Variants in STK32A observed in about 807,000 individuals in gnomAD.
STK32A encodes serine/threonine kinase 32A.
A neutral mutation model predicts 53.2 loss-of-function variants in STK32A; 41 were observed. The observed-to-expected ratio is 0.77, with a 90% confidence interval of 0.60 to 1.00. The LOEUF (loss-of-function observed/expected upper bound fraction) is 1.00, where lower values mean the gene tolerates loss of function less well. Among genes scored for constraint, STK32A ranks in the 50% least tolerant of loss-of-function variants. The pLI, the probability that STK32A is intolerant of heterozygous loss-of-function variation, is 0.00. For missense variants in STK32A, 458 were observed against 485.8 expected, an observed-to-expected ratio of 0.94 and a Z score of 0.54; for synonymous variants, 166 against 162.8, an observed-to-expected ratio of 1.02 and a Z score of -0.15.
Position 147,279,313 on chromosome 5 carries a change from T to C in STK32A, c.175T>C (p.Cys59Arg). ...YAMKYMNKQK[C>R]VERNEVRNVF... The stretch of plus-strand genomic sequence containing the variant: ...AATGAAGTACATGAATAAACAAAAG[T>C]GCGTGGAGCGCAATGAAGTGAGAAA... Residue 59 changes from cysteine to arginine, a missense_variant, in exon 4 of 13, where the codon TGC (cysteine) becomes CGC (arginine). Coordinates refer to ENST00000397936, the MANE Select transcript of STK32A (RefSeq NM_001112724.2). 1 of 1,613,932 alleles carries C rather than the reference T, an allele frequency of 6.2e-7. No homozygotes were observed. The highest frequency in any genetic ancestry group is 8.5e-7 in the Non-Finnish European group (1 of 1,179,850).
chr5:147,397,593 T>G, the STK32A span: 3 of 1,502,184 alleles, frequency 2.0e-6, no homozygotes, highest in Non-Finnish European at 2.7e-6. Context: ...TGCCCTGTGT[T>G]CATGGTTACT....
At chr5:147,268,925 A>C (rs1171999627) in intron 2 of STK32A, among the ~76,000 whole-genome samples, 1 of 152,182 alleles carries the variant, frequency 6.6e-6, no homozygotes, top group Non-Finnish European at 1.5e-5. Flanking sequence ...TCAGGTCTTT[A>C]CCCAACTCTG....
At chr5:147,241,051 C>T (rs1320199270) in intron 2 of STK32A, among the ~76,000 whole-genome samples, 1 of 152,090 alleles carries the variant, frequency 6.6e-6, no homozygotes, top group Non-Finnish European at 1.5e-5. Context: ...CATGAACCTT[C>T]TAAAAATAAG....
At chr5:147,360,475 AAAAGAAAGAAAG>A (rs142486199) in intron 7 of STK32A, among the ~76,000 whole-genome samples, 1 of 143,320 alleles carries the variant, frequency 7.0e-6, no homozygotes, top group Non-Finnish European at 1.5e-5. Flanking sequence ...AAAGAAAAAA[AAAAGAAAGAAAG>A]AAAGAAAGAA....
At chr5:147,267,728 A>C (rs546252213) in intron 2 of STK32A, among the ~76,000 whole-genome samples, 1 of 152,264 alleles carries the variant, frequency 6.6e-6, no homozygotes, top group South Asian at 2.1e-4. Flanking sequence ...GAAGTCTAAG[A>C]AATTGATTGA....
rs368176756 is a variant in STK32A, at chr5:147,375,171, C to A, written c.985C>A (p.Arg329Ser). 5 of 1,610,076 alleles carry A rather than the reference C, an allele frequency of 3.1e-6. No homozygotes were observed. The African/African-American group carries it at 5.3e-5, about 17-fold the overall frequency. The change falls in exon 11 of 13, where the codon CGT becomes AGT. Residue 329 changes from arginine (R) to serine (S), a missense_variant. Physicochemically the swap from Arg to Ser is moderately radical, Grantham distance 110. Coordinates refer to ENST00000397936, the MANE Select transcript of STK32A (RefSeq NM_001112724.2). The part of the protein sequence containing the change: ...ESKPLHKKKK[R>S]LAKKEKDMRK... The stretch of plus-strand genomic sequence containing the variant: ...CAAACCTCTACATAAGAAAAAAAAG[C>A]GTCTGGCAAAGAAGGAGAAGGATAT...
At chr5:147,245,793 G>A (rs76542540) in intron 2 of STK32A, among the ~76,000 whole-genome samples, 14 of 152,252 alleles carry the variant, frequency 9.2e-5, no homozygotes, top group Middle Eastern at 3.4e-3. Context: ...ATTATTCTTT[G>A]GACTTGCTGA....
chr5:147,246,730 T>A (rs551214658), intron 2 of STK32A, among the ~76,000 whole-genome samples: 2 of 152,334 alleles, frequency 1.3e-5, no homozygotes, highest in East Asian at 3.9e-4. Context: ...TATGAAAAAA[T>A]GTAATTTTCT....
intron 2 of STK32A, among the ~76,000 whole-genome samples, chr5:147,244,678 G>A (rs1753710567): frequency 6.6e-6 from 1 of 152,150 alleles, no homozygotes; most frequent in Admixed American, 6.6e-5. Flanking sequence ...GAAACTTGAG[G>A]TACCACAAGA....
At chr5:147,273,366 A>G (rs1470198778) in intron 2 of STK32A, among the ~76,000 whole-genome samples, 5 of 152,208 alleles carry the variant, frequency 3.3e-5, no homozygotes, top group Non-Finnish European at 5.9e-5. Context: ...ATGTTATACA[A>G]TAAGAATAAC....
intron 8 of STK32A, among the ~76,000 whole-genome samples, chr5:147,365,427 C>T (rs2152000450): frequency 6.6e-6 from 1 of 151,962 alleles, no homozygotes; most frequent in South Asian, 2.1e-4. Flanking sequence ...GTGAAAGGAC[C>T]ACCCTTGTAA....
chr5:147,342,982 TC>T, intron 5 of STK32A, 23 bp from the exon 6 acceptor site: 1 of 1,612,748 alleles, frequency 6.2e-7, no homozygotes, highest in Non-Finnish European at 8.5e-7. Flanking sequence ...TGAGCAACTT[TC>T]TTTTTTCTTT....
intron 2 of STK32A, among the ~76,000 whole-genome samples, chr5:147,248,924 A>AT (rs1212320184): frequency 2.8e-5 from 4 of 145,440 alleles, no homozygotes; most frequent in South Asian, 4.3e-4. Context: ...TGATGAAGTA[A>AT]TTTTTTTTTA....
intron 2 of STK32A, among the ~76,000 whole-genome samples, chr5:147,249,823 G>T (rs549704879): frequency 7.2e-6 from 1 of 138,802 alleles, no homozygotes. Flanking sequence ...TGAGGCAGGA[G>T]AATCCCTTGA....
chr5:147,303,173 A>G (rs2151967003), intron 4 of STK32A, among the ~76,000 whole-genome samples: 2 of 152,334 alleles, frequency 1.3e-5, no homozygotes, highest in African/African-American at 4.8e-5. Context: ...GTGCTTTTAG[A>G]TTAAGAATTA....
At chr5:147,333,909 G>A (rs1164380051) in intron 5 of STK32A, among the ~76,000 whole-genome samples, 2 of 152,144 alleles carry the variant, frequency 1.3e-5, no homozygotes, top group African/African-American at 4.8e-5. Flanking sequence ...TTAGTGAGCT[G>A]TGTGACTTTA....
At chr5:147,335,596 CT>C (rs1418642419) in intron 5 of STK32A, among the ~76,000 whole-genome samples, 2 of 152,176 alleles carry the variant, frequency 1.3e-5, no homozygotes, top group Non-Finnish European at 2.9e-5. Context: ...AGCAAGGAAG[CT>C]TTTTCCTCAG....
chr5:147,395,719 C>T, the STK32A span: 1 of 1,613,724 alleles, frequency 6.2e-7, no homozygotes, highest in Non-Finnish European at 8.5e-7. Context: ...GCAGGTCTGC[C>T]ATCTGCAGCC....
At chr5:147,283,066 T>C (rs1455346323) in intron 4 of STK32A, among the ~76,000 whole-genome samples, 2 of 152,118 alleles carry the variant, frequency 1.3e-5, no homozygotes, top group Non-Finnish European at 2.9e-5. Context: ...CCTCAATAAA[T>C]TTAAGAAAAT....
Sources: allele counts gnomAD v4.1 joint callset (sites outside exome capture counted in the v4.1 genomes callset), GRCh38; gene constraint gnomAD v4.1.1; transcripts MANE v1.5; gene names NCBI Gene and HGNC (gene_info 2026-07-23, HGNC 2026-07-21).